The following RERE variants were observed in gnomAD, a reference collection of about 807,000 sequenced individuals.
The protein encoded by RERE is arginine-glutamic acid dipeptide repeats protein.
RERE carries 40 observed loss-of-function variants against 146.1 expected under a neutral mutation model. The ratio of observed to expected loss-of-function variants is 0.27; its 90% CI spans 0.21 to 0.36. The LOEUF (loss-of-function observed/expected upper bound fraction) is 0.36, where lower values mean the gene tolerates loss of function less well. RERE is among the 10% of genes least tolerant of loss of function. RERE has a pLI of 1.00. For synonymous variants in RERE, 1,003 were observed against 866.0 expected (o/e 1.16, Z -2.78); for missense variants, 1,933 against 2,138.7 (o/e 0.90, Z 1.90).
rs149173444 is a variant in RERE, at chr1:8,508,642, G to C, written c.864C>G (p.Val288=). 6.2e-7 allele frequency: 1 copy of C among 1,612,936 alleles called. No individual in the cohort carries two copies. Among genetic ancestry groups the C allele is most frequent in the Admixed American group, 1.7e-5 (1 of 59,992 alleles). ...RLNSTQGEIR[V]GPSHQAKLPD... is the part of the protein sequence containing the mutation. Reference sequence around the variant, plus strand: ...TGAACTTCACCTGATGACTAGGACCGACACGAATCTCCCCCTGGGTACTGT... The same window carrying C: ...TGAACTTCACCTGATGACTAGGACCCACACGAATCTCCCCCTGGGTACTGT... Residue 288 remains valine, a synonymous_variant, in exon 8 of 23, where the codon GTC becomes GTG. Coordinates refer to ENST00000400908, the MANE Select transcript of RERE (RefSeq NM_001042681.2).
At chr1:8,516,971 C>T (rs543861959) in intron 7 of RERE, among the ~76,000 whole-genome samples, 77 of 152,212 alleles carry the variant, frequency 5.1e-4, no homozygotes, top group African/African-American at 1.7e-3. Flanking sequence ...GCGGAGGGTG[C>T]GACCACAAAG....
chr1:8,632,462 T>C (rs1232780752), intron 2 of RERE, among the ~76,000 whole-genome samples: 1 of 152,172 alleles, frequency 6.6e-6, no homozygotes, highest in Non-Finnish European at 1.5e-5. Context: ...ATTTGGCAAA[T>C]GATTTTATTA....
chr1:8,571,440 C>T (rs1646219921), intron 4 of RERE, among the ~76,000 whole-genome samples: 1 of 152,162 alleles, frequency 6.6e-6, no homozygotes, highest in African/African-American at 2.4e-5. Context: ...GCACTAGAGA[C>T]ACAGTTTTAG....
chr1:8,399,248 C>A (rs527962820), intron 12 of RERE, among the ~76,000 whole-genome samples: 6 of 151,890 alleles, frequency 4.0e-5, no homozygotes, highest in Non-Finnish European at 7.4e-5. Context: ...TTATCATTTA[C>A]TTTTTGAGTT....
chr1:8,458,112 A>C (rs1644473969), intron 11 of RERE, among the ~76,000 whole-genome samples: 1 of 152,180 alleles, frequency 6.6e-6, no homozygotes, highest in South Asian at 2.1e-4. Context: ...ACACGCATTA[A>C]AACTGACTCC....
intron 3 of RERE, among the ~76,000 whole-genome samples, chr1:8,621,245 G>C (rs1013585821): frequency 6.6e-6 from 1 of 152,080 alleles, no homozygotes. Context: ...CCACAGACTC[G>C]ATTCTAAGGG....
At chr1:8,510,288 AG>A (rs1462691797) in intron 7 of RERE, among the ~76,000 whole-genome samples, 2 of 152,158 alleles carry the variant, frequency 1.3e-5, no homozygotes, top group African/African-American at 4.8e-5. Context: ...CGGCTTCAAG[AG>A]AAGACACAGA....
chr1:8,595,061 T>C (rs1445054814), intron 4 of RERE, among the ~76,000 whole-genome samples: 1 of 150,910 alleles, frequency 6.6e-6, no homozygotes, highest in Non-Finnish European at 1.5e-5. Context: ...CTCAAAAGGC[T>C]GAGGCAGGAG....
At chr1:8,510,895 T>C (rs1296279980) in intron 7 of RERE, among the ~76,000 whole-genome samples, 1 of 152,206 alleles carries the variant, frequency 6.6e-6, no homozygotes, top group Non-Finnish European at 1.5e-5. Flanking sequence ...AAGTCCTTGA[T>C]AATTCCAGAA....
intron 1 of RERE, among the ~76,000 whole-genome samples, chr1:8,674,911 C>A (rs957182174): frequency 6.6e-6 from 1 of 152,174 alleles, no homozygotes; most frequent in Non-Finnish European, 1.5e-5. Flanking sequence ...TACCAGAGAA[C>A]ATAAATCCCA....
At chr1:8,746,253 C>T (rs563764290) in intron 1 of RERE, among the ~76,000 whole-genome samples, 1 of 152,246 alleles carries the variant, frequency 6.6e-6, no homozygotes, top group Admixed American at 6.5e-5. Context: ...CTGATGATAG[C>T]TTTTGTCTGT....
intron 4 of RERE, among the ~76,000 whole-genome samples, chr1:8,612,863 G>A (rs1646808941): frequency 6.6e-6 from 1 of 152,132 alleles, no homozygotes; most frequent in Admixed American, 6.5e-5. Context: ...GTCTTTCTCT[G>A]GGAATTAAAA....
At chr1:8,758,459 A>G (rs989640785) in intron 1 of RERE, among the ~76,000 whole-genome samples, 49 of 150,072 alleles carry the variant, frequency 3.3e-4, no homozygotes, top group Non-Finnish European at 4.7e-4. Context: ...CGGCACAATC[A>G]TAACTCACTG....
intron 11 of RERE, among the ~76,000 whole-genome samples, chr1:8,446,775 G>A (rs575466250): frequency 6.6e-6 from 1 of 151,968 alleles, no homozygotes; most frequent in Non-Finnish European, 1.5e-5. Context: ...CCGGGTTCAC[G>A]CCATTCTCCT....
chr1:8,386,208 T>G (rs967242185), intron 12 of RERE, among the ~76,000 whole-genome samples: 5 of 150,248 alleles, frequency 3.3e-5, no homozygotes, highest in African/African-American at 1.2e-4. Flanking sequence ...AGTTAACTAT[T>G]CTCTCCTCCA....
intron 6 of RERE, among the ~76,000 whole-genome samples, chr1:8,553,885 AG>A (rs1645971060): frequency 6.6e-6 from 1 of 152,210 alleles, no homozygotes; most frequent in Non-Finnish European, 1.5e-5. Flanking sequence ...AAAATGCTAA[AG>A]ATAAAAATGG....
intron 1 of RERE, among the ~76,000 whole-genome samples, chr1:8,804,545 T>A (rs1641647088): frequency 6.6e-6 from 1 of 152,230 alleles, no homozygotes. Context: ...CATAGTAATT[T>A]CCAGCACAGA....
chr1:8,401,723 C>T (rs1643268780), intron 12 of RERE, among the ~76,000 whole-genome samples: 2 of 151,664 alleles, frequency 1.3e-5, no homozygotes, highest in Admixed American at 6.6e-5. Context: ...TGTACCACTG[C>T]ACTCCAGCCT....
At chr1:8,366,310 A>G (rs1360613625) in intron 12 of RERE, among the ~76,000 whole-genome samples, 4 of 152,224 alleles carry the variant, frequency 2.6e-5, no homozygotes, top group Non-Finnish European at 4.4e-5. Context: ...CGAAAAGGAG[A>G]GAAGATTCCT....
Sources: allele counts gnomAD v4.1 joint callset (sites outside exome capture counted in the v4.1 genomes callset), GRCh38; gene constraint gnomAD v4.1.1; transcripts MANE v1.5; gene names NCBI Gene and HGNC (gene_info 2026-07-23, HGNC 2026-07-21).